HTR3B: variants seen among roughly 807,000 people sequenced by gnomAD.
HTR3B encodes 5-hydroxytryptamine (serotonin) receptor 3B, ionotropic.
In HTR3B, 44 loss-of-function variants were observed where a neutral mutation model predicts 42.8. The ratio of observed to expected loss-of-function variants is 1.03; its 90% confidence interval spans 0.81 to 1.32. HTR3B has a LOEUF of 1.32. Ranked by LOEUF, HTR3B falls within the 40% of genes most tolerant of loss-of-function variation. HTR3B has a pLI of 0.00. For synonymous variants in HTR3B, 203 were observed against 209.0 expected, an observed-to-expected ratio of 0.97 and a Z score of 0.25; for missense variants, 527 against 536.5, an observed-to-expected ratio of 0.98 and a Z score of 0.17.
intron 6 of HTR3B, among the ~76,000 whole-genome samples, chr11:113,934,640 C>A (rs530261006): frequency 6.6e-6 from 1 of 152,152 alleles, no homozygotes; most frequent in East Asian, 1.9e-4. Context: ...GCAACTCATA[C>A]CCTCCTGATG....
At position 113,943,123 on chromosome 11, in the gene HTR3B, G is replaced by A; in HGVS notation, c.838G>A (p.Gly280Ser). 1.2e-6 allele frequency: 2 copies of A among 1,614,062 alleles called. No homozygotes were observed. The highest frequency in any genetic ancestry group is 1.7e-6 in the Non-Finnish European group (2 of 1,179,992). The change falls in exon 7 of 9, where the codon GGC becomes AGC. Residue 280 changes from glycine (G) to serine (S), a missense_variant. By Grantham distance (56) the Gly-to-Ser change is moderately conservative. Transcript: ENST00000260191. ...TGTGTTCAAGACCAGTGTGCTGGTG[G>A]GCTACACCGTCTTCAGGGTCAACAT... is the stretch of plus-strand genomic sequence containing the variant. ...RIVFKTSVLV[G>S]YTVFRVNMSN...
intron 2 of HTR3B, among the ~76,000 whole-genome samples, chr11:113,910,192 G>A (rs1949776489): frequency 6.6e-6 from 1 of 151,932 alleles, no homozygotes; most frequent in Non-Finnish European, 1.5e-5. Flanking sequence ...AGTTTATAAG[G>A]GGGCTTTTAT....
At chr11:113,905,375 C>T (rs1325891958) in intron 1 of HTR3B, among the ~76,000 whole-genome samples, 2 of 152,034 alleles carry the variant, frequency 1.3e-5, no homozygotes, top group African/African-American at 2.4e-5. Flanking sequence ...ATAGTCTTGG[C>T]TTCATTATCA....
intron 2 of HTR3B, among the ~76,000 whole-genome samples, chr11:113,915,760 T>C (rs1591572914): frequency 6.6e-6 from 1 of 152,270 alleles, no homozygotes; most frequent in South Asian, 2.1e-4. Context: ...AAAGTGGCTG[T>C]TATCATTTTG....
Position 113,942,992 on chromosome 11 carries a change from G to A in HTR3B, c.707G>A (p.Arg236His), listed in dbSNP as rs766819022. Residue 236 changes from arginine (R) to histidine (H), a missense_variant, in exon 7 of 9, where the codon CGC becomes CAC. Physicochemically the swap from Arg to His is conservative, Grantham distance 29. Transcript: ENST00000260191. ...CTTGTTCCCGGCCAGGTGGTGATGCGCAGGCACCCCCTGGTCTATGTCGTG... is the reference window on the plus strand; with the variant it reads ...CTTGTTCCCGGCCAGGTGGTGATGCACAGGCACCCCCTGGTCTATGTCGTG... ...FAQIQFNVVM[R>H]RHPLVYVVSL... The A allele has an allele frequency of 8.7e-6, 14 of 1,613,732 alleles. No homozygotes were observed. Among genetic ancestry groups the A allele is most frequent in the Middle Eastern group, 1.6e-4 (1 of 6,084 alleles).
At chr11:113,902,951 C>A (rs1447141588), upstream of HTR3B, among the ~76,000 whole-genome samples, 1 of 152,172 alleles carries the variant, frequency 6.6e-6, no homozygotes, top group Non-Finnish European at 1.5e-5. Flanking sequence ...TCACTGCAGA[C>A]TCTATCTCCT....
chr11:113,935,755 G>A (rs1454703557), intron 6 of HTR3B, among the ~76,000 whole-genome samples: 4 of 152,154 alleles, frequency 2.6e-5, no homozygotes, highest in African/African-American at 9.7e-5. Flanking sequence ...TGACAGCAAA[G>A]GACCATCTCC....
Position 113,913,350 on chromosome 11 carries a change from A to ATTTTTTTTTTTTTTTTTTT in HTR3B, c.213+3909_213+3927dup, listed in dbSNP as rs71063533. On this transcript the variant is annotated intron_variant, in intron 2 of 8. Coordinates refer to ENST00000260191, the MANE Select transcript of HTR3B (RefSeq NM_006028.5). ...AGGTGCCTGCCACCATGTCTGGCTA[A>ATTTTTTTTTTTTTTTTTTT]TTTTTTTTTTTTTTTTTTTTTTTTT... Among the ~76,000 whole-genome samples the ATTTTTTTTTTTTTTTTTTT allele has an allele frequency of 4.9e-4, 30 of 61,524 alleles. 1 individual carries two copies. Among genetic ancestry groups the ATTTTTTTTTTTTTTTTTTT allele is most frequent in the African/African-American group, 7.2e-4 (10 of 13,944 alleles). The allele number at this position is 61,524 out of a possible 152,430, so 40.4% of individuals were successfully genotyped here. A position where few individuals can be genotyped will look rare whatever the true frequency, so the allele number is the denominator to read the frequency against.
At chr11:113,926,316 G>A (rs927309419) in intron 2 of HTR3B, among the ~76,000 whole-genome samples, 1 of 152,016 alleles carries the variant, frequency 6.6e-6, no homozygotes, top group Non-Finnish European at 1.5e-5. Context: ...AAATAATGCT[G>A]CTATGAATAT....
intron 6 of HTR3B, among the ~76,000 whole-genome samples, chr11:113,941,717 C>T (rs376790277): frequency 1.3e-5 from 2 of 152,074 alleles, no homozygotes; most frequent in African/African-American, 4.8e-5. Context: ...AGGGCCGAGA[C>T]GGGGTACTTA....
chr11:113,901,873 C>T (rs559732916), upstream of HTR3B, among the ~76,000 whole-genome samples: 3 of 152,318 alleles, frequency 2.0e-5, no homozygotes, highest in South Asian at 6.2e-4. Flanking sequence ...CTCAATTAAA[C>T]CTTTGCATAA....
At chr11:113,932,248 C>T (rs1327365304) in intron 4 of HTR3B, 41 bp from the exon 5 acceptor site, 1 of 1,536,220 alleles carries the variant, frequency 6.5e-7, no homozygotes, top group Non-Finnish European at 9.0e-7. Context: ...AAATGACCAA[C>T]ATCCTCTCTG....
rs1950178212 is a variant in HTR3B at position 113,946,217 on chromosome 11, T to C, written c.*80T>C. 8.9e-7 allele frequency: 1 copy of C among 1,127,144 alleles called. No homozygotes were observed. The highest frequency in any genetic ancestry group is 1.3e-6 in the Non-Finnish European group (1 of 764,692). 69.8% of individuals were successfully genotyped at this position (1,127,144 alleles called of 1,614,324 possible). On this transcript the variant is annotated 3_prime_UTR_variant, in exon 9 of 9. Transcript: ENST00000260191. ...AATAATAGTGGGTTAAAAAGCTTTCTGGGTCGGGTGTGGTGGTTCTTGCCT... is the reference window on the plus strand; with the variant it reads ...AATAATAGTGGGTTAAAAAGCTTTCCGGGTCGGGTGTGGTGGTTCTTGCCT...
At chr11:113,912,528 C>T (rs2137490953) in intron 2 of HTR3B, among the ~76,000 whole-genome samples, 1 of 152,358 alleles carries the variant, frequency 6.6e-6, no homozygotes, top group Admixed American at 6.5e-5. Context: ...CAGGCGTGAG[C>T]CACCGTGCCC....
At chr11:113,901,880 A>G (rs1315710165), upstream of HTR3B, among the ~76,000 whole-genome samples, 2 of 152,248 alleles carry the variant, frequency 1.3e-5, no homozygotes, top group South Asian at 2.1e-4. Context: ...AAACCTTTGC[A>G]TAAAGGGATG....
chr11:113,945,667 T>C (rs1950170840), intron 8 of HTR3B, among the ~76,000 whole-genome samples: 2 of 152,236 alleles, frequency 1.3e-5, no homozygotes. Flanking sequence ...TGGACGGATC[T>C]AGCACACATA....
At chr11:113,920,243 G>C (rs143544293) in intron 2 of HTR3B, among the ~76,000 whole-genome samples, 2 of 152,108 alleles carry the variant, frequency 1.3e-5, no homozygotes, top group Middle Eastern at 3.4e-3. Context: ...GGCCATGCTG[G>C]TCTCAGACTC....
chr11:113,935,562 C>T (rs1278780870), intron 6 of HTR3B, among the ~76,000 whole-genome samples: 4 of 150,624 alleles, frequency 2.7e-5, no homozygotes, highest in Non-Finnish European at 5.9e-5. Context: ...CTCCCAACCT[C>T]GCTCAGCCTC....
At chr11:113,919,408 A>T (rs1223125158) in intron 2 of HTR3B, among the ~76,000 whole-genome samples, 5 of 152,196 alleles carry the variant, frequency 3.3e-5, no homozygotes, top group Non-Finnish European at 7.3e-5. Flanking sequence ...TTCAGTTTCA[A>T]TTTATTTTAA....
Sources: allele counts gnomAD v4.1 joint callset (sites outside exome capture counted in the v4.1 genomes callset), GRCh38; gene constraint gnomAD v4.1.1; transcripts MANE v1.5; gene names NCBI Gene and HGNC (gene_info 2026-07-23, HGNC 2026-07-21).